The following CEP290 variants were observed in gnomAD, a reference collection of about 807,000 sequenced individuals.
The protein encoded by CEP290 is centrosomal protein of 290 kDa.
CEP290 carries 317 observed loss-of-function variants against 344.9 expected under a neutral mutation model. That is an observed-to-expected ratio of 0.92 (90% CI 0.84 to 1.01). The LOEUF is 1.01. Ranked by LOEUF, CEP290 falls within the 50% of genes least tolerant of loss-of-function variation. CEP290 has a pLI of 0.00. For missense variants in CEP290, 2,754 were observed against 2,761.4 expected (o/e 1.00, Z 0.06); for synonymous variants, 932 against 895.8 (o/e 1.04, Z -0.72).
In CEP290 at chr12:88,053,633, G is replaced by GT; in HGVS notation, c.7129+18dup. ...TCAAAAACTTGGGGGTAGCTAACAT[G>GT]TTTTTTAAAATACATTACCAGGTAT... On this transcript the variant is annotated intron_variant, in intron 52 of 53. Transcript: ENST00000552810. The GT allele has an allele frequency of 8.3e-7, 1 of 1,209,948 alleles. No homozygotes were observed. The highest frequency in any genetic ancestry group is 1.2e-6 in the Non-Finnish European group (1 of 851,078). The allele number at this position is 1,209,948 out of a possible 1,614,324, so 75.0% of individuals were successfully genotyped here.
chr12:88,060,114 T>C, intron 47 of CEP290, 94 bp from the exon 48 acceptor site: 2 of 1,097,776 alleles, frequency 1.8e-6, no homozygotes, highest in Non-Finnish European at 2.6e-6. Context: ...AAAGTAGTTT[T>C]AGAAACCATA....
At chr12:88,075,408 T>C (rs1165995358) in intron 41 of CEP290, among the ~76,000 whole-genome samples, 1 of 152,172 alleles carries the variant, frequency 6.6e-6, no homozygotes, top group Admixed American at 6.5e-5. Context: ...AATATTATTA[T>C]AACATTTAAA....
rs370395204 is a variant in CEP290 at position 88,089,274 on chromosome 12, G to T, written c.3787C>A (p.Leu1263Met). 3.2e-5 allele frequency: 52 copies of T among 1,613,876 alleles called. No individual in the cohort carries two copies. In the African/African-American group the frequency reaches 5.1e-4, roughly 16 times the overall value. ...RLEGRNRAKHLRQTIQSLRRQ... is the reference protein window; with the variant it reads ...RLEGRNRAKHMRQTIQSLRRQ... ...CGTAGAGACTGAATTGTTTGGCGCA[G>T]ATGTTTTGCTCTGTTTCTTCCCTCC... The change falls in exon 31 of 54, where the codon CTG (leucine) becomes ATG (methionine). Residue 1263 changes from leucine (L) to methionine (M), a missense_variant. Coordinates refer to ENST00000552810, the MANE Select transcript of CEP290 (RefSeq NM_025114.4).
intron 49 of CEP290, 90 bp downstream of exon 49, chr12:88,058,758 A>T: frequency 7.9e-7 from 1 of 1,272,730 alleles, no homozygotes; most frequent in South Asian, 1.3e-5. Flanking sequence ...TCAGGAAGAA[A>T]CCAGGTTATC....
At chr12:88,083,812 C>A in intron 36 of CEP290, 35 bp downstream of exon 36, 1 of 1,321,898 alleles carries the variant, frequency 7.6e-7, no homozygotes, top group Non-Finnish European at 1.0e-6. Flanking sequence ...TCACAAAAAT[C>A]AATAAAGAAT....
At chr12:88,116,078 C>CT in intron 18 of CEP290, 1 of 985,194 alleles carries the variant, frequency 1.0e-6, no homozygotes, top group Non-Finnish European at 1.2e-6. Flanking sequence ...TAAGTGATAA[C>CT]TTCTGCATTA....
At chr12:88,060,376 G>A (rs1310691248) in intron 47 of CEP290, among the ~76,000 whole-genome samples, 1 of 152,154 alleles carries the variant, frequency 6.6e-6, no homozygotes, top group Admixed American at 6.5e-5. Flanking sequence ...TGGTTAACAT[G>A]GTGAAACCCC....
At chr12:88,103,150 G>A in intron 25 of CEP290, 139 bp from the exon 26 acceptor site, 1 of 442,864 alleles carries the variant, frequency 2.3e-6, no homozygotes, top group Non-Finnish European at 3.8e-6. Context: ...TCCCATGTAA[G>A]AAAAACATGC....
At chr12:88,077,165 AT>A in intron 41 of CEP290, 56 bp downstream of exon 41, 3 of 1,518,772 alleles carry the variant, frequency 2.0e-6, no homozygotes, top group South Asian at 2.5e-5. Flanking sequence ...TCAGCTATGT[AT>A]TTAACTTACT....
intron 26 of CEP290, among the ~76,000 whole-genome samples, chr12:88,102,082 G>T (rs1017746969): frequency 2.0e-5 from 3 of 152,082 alleles, no homozygotes; most frequent in Non-Finnish European, 4.4e-5. Context: ...TCTTAGATAA[G>T]AATAATCCAA....
chr12:88,125,692 G>C (rs1300598188), intron 12 of CEP290, among the ~76,000 whole-genome samples: 1 of 151,732 alleles, frequency 6.6e-6, no homozygotes, highest in Non-Finnish European at 1.5e-5. Flanking sequence ...TTACCATTTT[G>C]TATGTTTCTG....
intron 18 of CEP290, chr12:88,115,835 T>C (rs1026691183): frequency 1.6e-5 from 16 of 984,144 alleles, no homozygotes; most frequent in Non-Finnish European, 1.9e-5. Flanking sequence ...TTATCTGAGA[T>C]AATTTTGATT....
At position 88,084,770 on chromosome 12, in the gene CEP290, A is replaced by G. The variant is rs2036452802; in HGVS notation, c.4520T>C (p.Leu1507Pro). 1 of 1,613,342 alleles carries G rather than the reference A, an allele frequency of 6.2e-7. No individual in the cohort carries two copies. Among genetic ancestry groups the G allele is most frequent in the Admixed American group, 1.7e-5 (1 of 59,958 alleles). ...SRDKVINELR[L>P]RLPATAEREK... is the part of the protein sequence containing the mutation. Reference sequence around the variant, plus strand: ...TCTTTCTGCAGTGGCAGGCAATCGAAGCCTCAGTTCATTGATTACTTTGTC... The same window carrying G: ...TCTTTCTGCAGTGGCAGGCAATCGAGGCCTCAGTTCATTGATTACTTTGTC... The change falls in exon 35 of 54, where the codon CTT becomes CCT. Residue 1507 changes from leucine to proline, a missense_variant. Leu to Pro is a moderately conservative substitution (Grantham distance 98). Coordinates refer to ENST00000552810, the MANE Select transcript of CEP290 (RefSeq NM_025114.4).
rs1269513585 is a variant in CEP290, at chr12:88,079,229, C to T, written c.5227G>A (p.Ala1743Thr). The change falls in exon 39 of 54, where the codon GCA becomes ACA. Residue 1743 changes from alanine (A) to threonine (T), a missense_variant and splice_region_variant. Ala to Thr is a moderately conservative substitution (Grantham distance 58, BLOSUM62 0). Transcript: ENST00000552810. ...QLALKEKQQKALSRALLELRA... is the reference protein window; with the variant it reads ...QLALKEKQQKTLSRALLELRA... ...AGTTCTAAAAGTGCCCGACTAAGTG[C>T]CTAAAAATTAACCAAAAAAAAAATG... 3.2e-6 allele frequency: 5 copies of T among 1,574,792 alleles called. No individual in the cohort carries two copies. Among genetic ancestry groups the T allele is most frequent in the African/African-American group, 1.4e-5 (1 of 72,080 alleles).
At position 88,077,748 on chromosome 12, in the gene CEP290, T is replaced by C. The variant is rs2035887534; in HGVS notation, c.5535A>G (p.Gln1845=). Residue 1845 remains glutamine (Q), a synonymous_variant, in exon 40 of 54, where the codon CAA becomes CAG. Transcript: ENST00000552810. ...TTTGCCTTTTCAGTTCATCATTCTC[T>C]TGATCAATTTCCTCTTTCTCTCTAA... is the stretch of plus-strand genomic sequence containing the variant. The part of the protein sequence containing the change: ...KILREKEEID[Q]ENDELKRQIK... The C allele has an allele frequency of 6.3e-7, 1 of 1,582,198 alleles. No individual in the cohort carries two copies. The highest frequency in any genetic ancestry group is 8.6e-7 in the Non-Finnish European group (1 of 1,167,104).
At position 88,049,375 on chromosome 12, in the gene CEP290, C is replaced by T; in HGVS notation, c.7249G>A (p.Asp2417Asn). The change falls in exon 54 of 54, where the codon GAT (aspartate) becomes AAT (asparagine). Residue 2417 changes from aspartate to asparagine, a missense_variant. Physicochemically the swap from Asp to Asn is conservative, Grantham distance 23. Coordinates refer to ENST00000552810, the MANE Select transcript of CEP290 (RefSeq NM_025114.4). The part of the protein sequence containing the change: ...KKLKKELENF[D>N]PSFFEEIEDL... ...TCAATTTCTTCAAAAAATGAAGGAT[C>T]AAAATTTTCCAGTTCTTTTTTCAGC... 6.5e-7 allele frequency: 1 copy of T among 1,546,580 alleles called. No individual in the cohort carries two copies. The highest frequency in any genetic ancestry group is 8.8e-7 in the Non-Finnish European group (1 of 1,132,162).
intron 11 of CEP290, among the ~76,000 whole-genome samples, chr12:88,127,084 T>A (rs2039777670): frequency 6.6e-6 from 1 of 152,274 alleles, no homozygotes; most frequent in Non-Finnish European, 1.5e-5. Flanking sequence ...AATAGATCAA[T>A]CAATTCAATA....
intron 28 of CEP290, among the ~76,000 whole-genome samples, chr12:88,093,333 C>T (rs2037186789): frequency 6.6e-6 from 1 of 152,066 alleles, no homozygotes; most frequent in Admixed American, 6.5e-5. Flanking sequence ...TACTGCCACA[C>T]AGTTTAATGA....
chr12:88,077,660 G>A lies in CEP290; in HGVS notation c.5586+37C>T, dbSNP rs770596900. The A allele has an allele frequency of 5.8e-6, 7 of 1,210,458 alleles. No homozygotes were observed. In the South Asian group the frequency reaches 6.9e-5, roughly 12 times the overall value. The allele number at this position is 1,210,458 out of a possible 1,614,324, so 75.0% of individuals were successfully genotyped here. On this transcript the variant is annotated intron_variant, in intron 40 of 53. Transcript: ENST00000552810. ...AGAAATAAACTACTACCTCTATATT[G>A]TAAATCAGACATTATCAGAGTTAAA... is the stretch of plus-strand genomic sequence containing the variant.
Sources: allele counts gnomAD v4.1 joint callset (sites outside exome capture counted in the v4.1 genomes callset), GRCh38; gene constraint gnomAD v4.1.1; transcripts MANE v1.5; gene names NCBI Gene and HGNC (gene_info 2026-07-23, HGNC 2026-07-21).